SPATA19: variants seen among roughly 807,000 people sequenced by gnomAD.
SPATA19 encodes the protein spermatogenesis associated 19, also known as spermatogenesis-associated protein 19, mitochondrial.
A neutral mutation model predicts 25.0 loss-of-function variants in SPATA19; 19 were observed. The ratio of observed to expected loss-of-function variants is 0.76; its 90% CI spans 0.53 to 1.11. The LOEUF is 1.11. Ranked by LOEUF, SPATA19 falls within the 50% of genes most tolerant of loss-of-function variation. The probability of loss-of-function intolerance (pLI) is 0.00; values close to 1 mark genes in which losing one functional copy is unlikely to be tolerated. For missense variants in SPATA19, 222 were observed against 211.4 expected (o/e 1.05, Z -0.31); for synonymous variants, 64 against 69.3 (o/e 0.92, Z 0.38).
chr11:133,839,811 A>G (rs1469106017), downstream of SPATA19, among the ~76,000 whole-genome samples: 1 of 152,206 alleles, frequency 6.6e-6, no homozygotes, highest in African/African-American at 2.4e-5. Flanking sequence ...AAAAGGTGTC[A>G]CATATGTGTA....
chr11:133,844,985 G>A, intron 2 of SPATA19, 149 bp downstream of exon 2: 2 of 721,512 alleles, frequency 2.8e-6, no homozygotes, highest in Non-Finnish European at 2.3e-6. Flanking sequence ...TCCAGCACAT[G>A]TGAAGAAATT....
Position 133,842,110 on chromosome 11 carries a change from AG to A in SPATA19, c.438-6del. 1 of 1,613,914 alleles carries A rather than the reference AG, an allele frequency of 6.2e-7. No homozygotes were observed. Among genetic ancestry groups the A allele is most frequent in the East Asian group, 2.2e-5 (1 of 44,872 alleles). Reference sequence around the variant, plus strand: ...ACATCTGTAAGACGGGATATGCTGCAGGGGACAGAGGAGAAGGGCCAGGTGG... The same window carrying A: ...ACATCTGTAAGACGGGATATGCTGCAGGGACAGAGGAGAAGGGCCAGGTGG... On this transcript the variant is annotated splice_polypyrimidine_tract_variant and splice_region_variant and intron_variant, in intron 5 of 6. Transcript: ENST00000299140.
At chr11:133,843,950 C>T (rs1938364683) in intron 4 of SPATA19, among the ~76,000 whole-genome samples, 1 of 152,232 alleles carries the variant, frequency 6.6e-6, no homozygotes, top group African/African-American at 2.4e-5. Context: ...CTTTAAAGTG[C>T]AGCCACTTCT....
intron 2 of SPATA19, 68 bp downstream of exon 2, chr11:133,845,066 C>G: frequency 3.0e-6 from 4 of 1,347,172 alleles, no homozygotes; most frequent in Non-Finnish European, 4.2e-6. Flanking sequence ...AAGTCCAGAT[C>G]CCCACACCCA....
downstream of SPATA19, among the ~76,000 whole-genome samples, chr11:133,839,600 C>T (rs974915236): frequency 1.3e-5 from 2 of 151,922 alleles, no homozygotes; most frequent in African/African-American, 4.8e-5. Context: ...TTAATGGGTG[C>T]AGCACACCAA....
At chr11:133,839,343 A>C (rs924593695), downstream of SPATA19, among the ~76,000 whole-genome samples, 1 of 152,354 alleles carries the variant, frequency 6.6e-6, no homozygotes, top group Non-Finnish European at 1.5e-5. Context: ...ATGGAATACT[A>C]TGCAGCCATA....
chr11:133,842,461 A>G, intron 5 of SPATA19, 24 bp downstream of exon 5: 2 of 1,600,104 alleles, frequency 1.2e-6, no homozygotes, highest in Non-Finnish European at 1.7e-6. Context: ...AGGAACACAA[A>G]TCAAGCAGTT....
At chr11:133,840,457 C>T (rs964355976), downstream of SPATA19, among the ~76,000 whole-genome samples, 5 of 152,214 alleles carry the variant, frequency 3.3e-5, no homozygotes, top group Admixed American at 1.3e-4. Flanking sequence ...CCACAGAGCA[C>T]TCCTTCTTAT....
chr11:133,839,352 T>TA (rs1414960396), downstream of SPATA19, among the ~76,000 whole-genome samples: 1 of 152,232 alleles, frequency 6.6e-6, no homozygotes, highest in African/African-American at 2.4e-5. Context: ...TATGCAGCCA[T>TA]AAAAAATGAT....
chr11:133,844,902 G>T (rs556605336), intron 2 of SPATA19, among the ~76,000 whole-genome samples: 1 of 152,262 alleles, frequency 6.6e-6, no homozygotes, highest in East Asian at 1.9e-4. Flanking sequence ...CTTAAGCCAG[G>T]ATGCTTGAGA....
downstream of SPATA19, among the ~76,000 whole-genome samples, chr11:133,836,939 C>T (rs537268569): frequency 5.9e-5 from 9 of 152,288 alleles, no homozygotes; most frequent in South Asian, 1.7e-3. Context: ...ACTTAACCTA[C>T]GTGTTGTGTT....
At chr11:133,840,141 T>C (rs1938276608), downstream of SPATA19, among the ~76,000 whole-genome samples, 1 of 151,828 alleles carries the variant, frequency 6.6e-6, no homozygotes, top group Admixed American at 6.6e-5. Flanking sequence ...GAGAGTGGAG[T>C]AAAATATTTA....
downstream of SPATA19, among the ~76,000 whole-genome samples, chr11:133,839,696 T>TA (rs1030898059): frequency 3.3e-5 from 5 of 151,384 alleles, no homozygotes; most frequent in South Asian, 2.1e-4. Flanking sequence ...TTAAAAAATT[T>TA]AAAAAAAAGA....
In SPATA19 at chr11:133,845,173, TTCCACAACGTCAATGTCC is replaced by T; in HGVS notation, c.79-1_95del. ...GATGTAGTACAGACACAGCCTCACTTTCCACAACGTCAATGTCCTGGAACAAATTGGCAAGTTGGTGAC... is the reference window on the plus strand; with the variant it reads ...GATGTAGTACAGACACAGCCTCACTTTGGAACAAATTGGCAAGTTGGTGAC... On this transcript the variant is annotated splice_acceptor_variant and coding_sequence_variant, in exon 2 of 7. Transcript: ENST00000299140. LOFTEE classifies it high-confidence loss of function. 6.2e-7 allele frequency: 1 copy of T among 1,614,140 alleles called. No homozygotes were observed. Among genetic ancestry groups the T allele is most frequent in the African/African-American group, 1.3e-5 (1 of 75,026 alleles).
intron 3 of SPATA19, 84 bp downstream of exon 3, chr11:133,844,425 G>C (rs1938375499): frequency 6.2e-7 from 1 of 1,611,048 alleles, no homozygotes; most frequent in African/African-American, 1.3e-5. Flanking sequence ...CCTCACCCTT[G>C]CCCAGAATCA....
intron 4 of SPATA19, 95 bp from the exon 5 acceptor site, chr11:133,842,657 ACT>A: frequency 2.1e-6 from 2 of 963,972 alleles, no homozygotes; most frequent in Non-Finnish European, 3.4e-6. Context: ...GCAAACAATG[ACT>A]CTTGCCCTGA....
chr11:133,836,268 T>C (rs904049148), downstream of SPATA19, among the ~76,000 whole-genome samples: 1 of 152,122 alleles, frequency 6.6e-6, no homozygotes. Context: ...CCTGGTTACC[T>C]CCTACTCATC....
chr11:133,842,917 T>C (rs1938340526), intron 4 of SPATA19, among the ~76,000 whole-genome samples: 1 of 152,146 alleles, frequency 6.6e-6, no homozygotes, highest in Admixed American at 6.5e-5. Context: ...CTTGATGACC[T>C]GCATCACCCC....
chr11:133,836,959 C>T (rs1384233858), downstream of SPATA19, among the ~76,000 whole-genome samples: 1 of 152,162 alleles, frequency 6.6e-6, no homozygotes, highest in Non-Finnish European at 1.5e-5. Context: ...TATCTCCTCT[C>T]TAATAATAAT....
Sources: allele counts gnomAD v4.1 joint callset (sites outside exome capture counted in the v4.1 genomes callset), GRCh38; gene constraint gnomAD v4.1.1; transcripts MANE v1.5; gene names NCBI Gene and HGNC (gene_info 2026-07-23, HGNC 2026-07-21).